KBTBD11: variants seen among roughly 807,000 people sequenced by gnomAD.
KBTBD11 encodes the protein kelch repeat and BTB domain containing 11, also known as kelch repeat and BTB domain-containing protein 11.
For synonymous variants in KBTBD11, 747 were observed against 499.0 expected (o/e 1.50, Z -6.63); for missense variants, 1,390 against 1,001.8 (o/e 1.39, Z -5.23).
chr8:1,980,228 C>CTTT (rs71211538), intron 1 of KBTBD11, among the ~76,000 whole-genome samples: 24,646 of 124,416 alleles, frequency 0.2, 3,947 homozygotes, highest in African/African-American at 0.39. Context: ...GATAATCAAA[C>CTTT]TTTTTTTTTT....
intron 1 of KBTBD11, among the ~76,000 whole-genome samples, chr8:1,994,749 T>C (rs1379851735): frequency 6.6e-6 from 1 of 152,106 alleles, no homozygotes; most frequent in Non-Finnish European, 1.5e-5. Context: ...TCTCTTAGGA[T>C]GCCCTTCATA....
In KBTBD11 at chr8:2,001,359, C is replaced by A; in HGVS notation, c.167C>A (p.Ser56Ter). 1 of 1,485,190 alleles carries A rather than the reference C, an allele frequency of 6.7e-7. No individual in the cohort carries two copies. Among genetic ancestry groups the A allele is most frequent in the South Asian group, 1.3e-5 (1 of 78,558 alleles). 92.0% of individuals were successfully genotyped at this position (1,485,190 alleles called of 1,614,324 possible). A position where few individuals can be genotyped will look rare whatever the true frequency, so the allele number is the denominator to read the frequency against. The change falls in exon 2 of 2, where the codon TCA (serine) becomes TAA (stop). Residue 56 changes from serine to a stop codon, truncating the protein, a stop_gained. Transcript: ENST00000320248. LOFTEE classifies it low-confidence loss of function (END_TRUNC). ...GAGTCCCCGCCGCAGTCCCTCGCCT[C>A]AGCGGCGGAAGGCGCGGCCACCTCC... ...GEESPPQSLA[S>*]AAEGAATSPP... is the part of the protein sequence containing the mutation.
intron 1 of KBTBD11, among the ~76,000 whole-genome samples, chr8:1,984,544 C>T (rs1170425790): frequency 6.6e-6 from 1 of 152,058 alleles, no homozygotes; most frequent in East Asian, 1.9e-4. Context: ...GCCTCAGCCT[C>T]CCAATGTGTT....
In KBTBD11 at chr8:2,001,604, G is replaced by A; in HGVS notation, c.412G>A (p.Gly138Arg). The part of the protein sequence containing the change: ...PVPPGFGAVY[G>R]EPDLVLEVSG... ...ACCCCCGGGGTTCGGGGCGGTGTACGGGGAGCCGGACCTGGTGCTGGAGGT... is the reference window on the plus strand; with the variant it reads ...ACCCCCGGGGTTCGGGGCGGTGTACAGGGAGCCGGACCTGGTGCTGGAGGT... The change falls in exon 2 of 2, where the codon GGG (glycine) becomes AGG (arginine). Residue 138 changes from glycine to arginine, a missense_variant. By Grantham distance (125) the Gly-to-Arg change is moderately radical. Coordinates refer to ENST00000320248, the MANE Select transcript of KBTBD11 (RefSeq NM_014867.3). 2 of 1,473,966 alleles carry A rather than the reference G, an allele frequency of 1.4e-6. No homozygotes were observed. Among genetic ancestry groups the A allele is most frequent in the South Asian group, 1.3e-5 (1 of 78,420 alleles). The allele number at this position is 1,473,966 out of a possible 1,614,324, so 91.3% of individuals were successfully genotyped here.
intron 1 of KBTBD11, among the ~76,000 whole-genome samples, chr8:1,979,611 A>G (rs538836627): frequency 3.3e-5 from 5 of 152,266 alleles, no homozygotes; most frequent in Non-Finnish European, 5.9e-5. Flanking sequence ...CCTGGGCTAC[A>G]GAGTGAGACT....
rs538496517 is a variant in KBTBD11, at chr8:2,005,311, G to A, written c.*2247G>A. The stretch of plus-strand genomic sequence containing the variant: ...TAATACCCACCATTAAAGGATGTCC[G>A]GCCAACCTATTGTGGAAATTTATAG... On this transcript the variant is annotated 3_prime_UTR_variant, in exon 2 of 2. Coordinates refer to ENST00000320248, the MANE Select transcript of KBTBD11 (RefSeq NM_014867.3). The A allele has an allele frequency of 1.8e-5, 3 of 167,194 alleles. No homozygotes were observed. The highest frequency in any genetic ancestry group is 1.9e-4 in the East Asian group (1 of 5,194). 10.4% of individuals were successfully genotyped at this position (167,194 alleles called of 1,614,324 possible).
intron 1 of KBTBD11, among the ~76,000 whole-genome samples, chr8:1,993,025 C>T (rs1816974602): frequency 1.3e-5 from 2 of 152,088 alleles, no homozygotes; most frequent in Non-Finnish European, 2.9e-5. Flanking sequence ...GCAGCCTTGA[C>T]CTCTCCCGGG....
chr8:1,976,697 C>T (rs1447226346), intron 1 of KBTBD11, among the ~76,000 whole-genome samples: 2 of 152,094 alleles, frequency 1.3e-5, no homozygotes, highest in Non-Finnish European at 2.9e-5. Flanking sequence ...CATATAATTA[C>T]GTTAATTCTT....
At chr8:1,978,726 C>T (rs1403712732) in intron 1 of KBTBD11, among the ~76,000 whole-genome samples, 7 of 152,164 alleles carry the variant, frequency 4.6e-5, no homozygotes, top group African/African-American at 4.8e-5. Flanking sequence ...ATGGGCGTGC[C>T]GAGCAGGGTT....
chr8:1,996,254 G>A (rs1289476653), intron 1 of KBTBD11, among the ~76,000 whole-genome samples: 1 of 152,118 alleles, frequency 6.6e-6, no homozygotes, highest in Non-Finnish European at 1.5e-5. Flanking sequence ...TAGGCAATGC[G>A]TGTAGGACGC....
chr8:1,992,267 G>C (rs1221455175), intron 1 of KBTBD11, among the ~76,000 whole-genome samples: 1 of 152,118 alleles, frequency 6.6e-6, no homozygotes, highest in African/African-American at 2.4e-5. Flanking sequence ...CTCCCAGGGT[G>C]TTTGAAGACT....
chr8:1,974,665 C>T (rs1816263179), intron 1 of KBTBD11: 2 of 985,384 alleles, frequency 2.0e-6, no homozygotes, highest in South Asian at 4.7e-5. Flanking sequence ...GCCCCCGCCC[C>T]ATGTGCTGGG....
At chr8:1,999,184 G>C (rs181298211) in intron 1 of KBTBD11, among the ~76,000 whole-genome samples, 3 of 152,210 alleles carry the variant, frequency 2.0e-5, no homozygotes, top group Non-Finnish European at 4.4e-5. Context: ...AGAGTCAAAC[G>C]TGGAGTTTCC....
At chr8:1,998,552 T>C (rs111717579) in intron 1 of KBTBD11, among the ~76,000 whole-genome samples, 13,488 of 152,240 alleles carry the variant, frequency 0.089, 750 homozygotes, top group Middle Eastern at 0.13. Context: ...CTCCTGTACA[T>C]TGCAGGACAG....
intron 1 of KBTBD11, among the ~76,000 whole-genome samples, chr8:1,991,917 C>G (rs540258591): frequency 1.4e-3 from 210 of 152,172 alleles, no homozygotes; most frequent in Non-Finnish European, 2.4e-3. Flanking sequence ...GGAGCTTTGC[C>G]AATGCGTGAA....
At chr8:1,992,120 GC>G (rs1563370870) in intron 1 of KBTBD11, among the ~76,000 whole-genome samples, 1 of 152,056 alleles carries the variant, frequency 6.6e-6, no homozygotes, top group East Asian at 1.9e-4. Context: ...CTGGACTCTG[GC>G]CCCACCTGTT....
In KBTBD11 at chr8:1,988,625, C is replaced by T. The variant is rs111667830; in HGVS notation, c.-908-11660C>T. 4.9e-3 allele frequency among the ~76,000 whole-genome samples: 750 copies of T among 152,080 alleles called. 9 individuals are homozygous for T. Among genetic ancestry groups the T allele is most frequent in the African/African-American group, 0.017 (721 of 41,486 alleles). On this transcript the variant is annotated intron_variant, in intron 1 of 1. Transcript: ENST00000320248. ...TTGTTTGTAGATTCTGGATATTAGC[C>T]CCTCCTGGAGTCTTCTTGCTAGTCT...
chr8:1,998,852 G>A lies in KBTBD11; in HGVS notation c.-908-1433G>A, dbSNP rs150131371. Among the ~76,000 whole-genome samples, 383 of 152,338 alleles carry A rather than the reference G, an allele frequency of 2.5e-3. 2 individuals carry two copies. The highest frequency in any genetic ancestry group is 8.9e-3 in the African/African-American group (369 of 41,576). The stretch of plus-strand genomic sequence containing the variant: ...AGGGCTGGTGCCCTTCACCGATGCA[G>A]CTTCACAGCTTTTCCATTTCGGGTC... On this transcript the variant is annotated intron_variant, in intron 1 of 1. Coordinates refer to ENST00000320248, the MANE Select transcript of KBTBD11 (RefSeq NM_014867.3).
rs1259366945 is a variant in KBTBD11, at chr8:1,974,483, G to A, written c.-909+548G>A. On this transcript the variant is annotated intron_variant, in intron 1 of 1. Coordinates refer to ENST00000320248, the MANE Select transcript of KBTBD11 (RefSeq NM_014867.3). ...GGGGATCGGCTGTCCGGAGCGAACG[G>A]GGGTCTCTCCTGGACTCGGGGCCCT... is the stretch of plus-strand genomic sequence containing the variant. 7 of 984,470 alleles carry A rather than the reference G, an allele frequency of 7.1e-6. No homozygotes were observed. In the African/African-American group the frequency reaches 1.2e-4, roughly 17 times the overall value. The allele number at this position is 984,470 out of a possible 1,614,324, so 61.0% of individuals were successfully genotyped here.
Sources: allele counts gnomAD v4.1 joint callset (sites outside exome capture counted in the v4.1 genomes callset), GRCh38; gene constraint gnomAD v4.1.1; transcripts MANE v1.5; gene names NCBI Gene and HGNC (gene_info 2026-07-23, HGNC 2026-07-21).